GRM8: variants seen among roughly 807,000 people sequenced by gnomAD.
GRM8 encodes the protein metabotropic glutamate receptor 8.
A neutral mutation model predicts 87.2 loss-of-function variants in GRM8; 47 were observed. That is an observed-to-expected ratio of 0.54 (90% CI 0.43 to 0.69). The LOEUF is 0.69. Among genes scored for constraint, GRM8 ranks in the 30% least tolerant of loss-of-function variants. GRM8 has a pLI of 0.00. For missense variants in GRM8, 1,019 were observed against 1,139.2 expected, an observed-to-expected ratio of 0.89 and a Z score of 1.52; for synonymous variants, 396 against 404.5, an observed-to-expected ratio of 0.98 and a Z score of 0.25.
intron 2 of GRM8, among the ~76,000 whole-genome samples, chr7:127,119,626 A>G (rs1177728711): frequency 6.6e-6 from 1 of 152,208 alleles, no homozygotes; most frequent in African/African-American, 2.4e-5. Flanking sequence ...AAACAAACCT[A>G]TGAAAGGCTA....
chr7:126,448,884 G>A (rs1159969759), intron 9 of GRM8, among the ~76,000 whole-genome samples: 2 of 151,722 alleles, frequency 1.3e-5, no homozygotes, highest in Admixed American at 6.6e-5. Flanking sequence ...GGGGCCTTTT[G>A]GAGGGTGGAG....
At chr7:127,186,807 T>G (rs989828166) in intron 2 of GRM8, among the ~76,000 whole-genome samples, 2 of 152,196 alleles carry the variant, frequency 1.3e-5, no homozygotes, top group African/African-American at 2.4e-5. Context: ...GAGCCTACTC[T>G]GAACCCCAGA....
At chr7:126,979,553 T>C (rs1356541445) in intron 3 of GRM8, among the ~76,000 whole-genome samples, 6 of 152,228 alleles carry the variant, frequency 3.9e-5, no homozygotes, top group Admixed American at 1.3e-4. Flanking sequence ...AATGCAATTA[T>C]CGTTCATGTG....
intron 6 of GRM8, among the ~76,000 whole-genome samples, chr7:126,872,614 G>T (rs2130912488): frequency 1.3e-5 from 2 of 152,178 alleles, no homozygotes; most frequent in African/African-American, 2.4e-5. Flanking sequence ...TAACATTTTT[G>T]AAACTGTGCA....
Position 127,203,462 on chromosome 7 carries a change from C to T in GRM8, c.510+39233G>A, listed in dbSNP as rs562800269. Among the ~76,000 whole-genome samples the T allele has an allele frequency of 1.1e-4, 16 of 152,250 alleles. No homozygotes were observed. The South Asian group carries it at 1.9e-3, about 18-fold the overall frequency. Reference sequence around the variant, plus strand: ...GTGGCTCAGGCCTGTAATCCCAGCACCTTGGGAGGCCAAGGCGGGTGAATC... The same window carrying T: ...GTGGCTCAGGCCTGTAATCCCAGCATCTTGGGAGGCCAAGGCGGGTGAATC... On this transcript the variant is annotated intron_variant, in intron 2 of 10. Coordinates refer to ENST00000339582, the MANE Select transcript of GRM8 (RefSeq NM_000845.3).
chr7:126,641,129 T>A (rs1802335964), intron 7 of GRM8, among the ~76,000 whole-genome samples: 1 of 152,176 alleles, frequency 6.6e-6, no homozygotes, highest in Non-Finnish European at 1.5e-5. Context: ...TCATTTTGAA[T>A]CATATTCTTC....
At chr7:126,741,966 T>C (rs562449563) in intron 7 of GRM8, among the ~76,000 whole-genome samples, 28 of 152,180 alleles carry the variant, frequency 1.8e-4, no homozygotes, top group Admixed American at 1.6e-3. Flanking sequence ...TCCCTCTGTA[T>C]AAGCTTGGAA....
intron 7 of GRM8, among the ~76,000 whole-genome samples, chr7:126,699,156 G>C (rs956244768): frequency 7.2e-5 from 11 of 152,102 alleles, no homozygotes; most frequent in African/African-American, 2.4e-4. Context: ...ACCTCCCAGT[G>C]AATTAATGGG....
rs1164479735 is a variant in GRM8, at chr7:127,058,515, A to C, written c.727+47981T>G. ...CCTCCTTTTTTTCCCAGGCCCTAAA[A>C]TAGGATCATATTTAGGCTGGTGAAA... On this transcript the variant is annotated intron_variant, in intron 3 of 10. Transcript: ENST00000339582. Among the ~76,000 whole-genome samples, 11 of 152,136 alleles carry C rather than the reference A, an allele frequency of 7.2e-5. No individual in the cohort carries two copies. The East Asian group carries it at 2.1e-3, about 29-fold the overall frequency.
At chr7:126,662,740 T>TC (rs200490992) in intron 7 of GRM8, among the ~76,000 whole-genome samples, 3 of 152,148 alleles carry the variant, frequency 2.0e-5, no homozygotes, top group African/African-American at 4.8e-5. Flanking sequence ...ATTTTTTTTT[T>TC]CTTTTTAAAG....
chr7:126,905,418 G>A (rs879910405), intron 3 of GRM8, among the ~76,000 whole-genome samples: 1 of 152,166 alleles, frequency 6.6e-6, no homozygotes, highest in African/African-American at 2.4e-5. Context: ...TGGGGTAGGA[G>A]GAGAAGAAAG....
intron 8 of GRM8, among the ~76,000 whole-genome samples, chr7:126,598,795 C>T (rs1018716290): frequency 1.1e-4 from 17 of 152,074 alleles, no homozygotes; most frequent in African/African-American, 2.7e-4. Context: ...TATTGAAAAA[C>T]TCAGTGTAGC....
At chr7:127,212,360 G>A (rs1796259701) in intron 2 of GRM8, among the ~76,000 whole-genome samples, 1 of 151,228 alleles carries the variant, frequency 6.6e-6, no homozygotes, top group East Asian at 1.9e-4. Flanking sequence ...TTGATCTACA[G>A]CCTGATAATA....
chr7:126,448,862 A>T (rs1434952413), intron 9 of GRM8, among the ~76,000 whole-genome samples: 3 of 151,910 alleles, frequency 2.0e-5, no homozygotes, highest in African/African-American at 7.2e-5. Context: ...ATAGAGGGGA[A>T]CAACACACAC....
intron 6 of GRM8, among the ~76,000 whole-genome samples, chr7:126,815,025 C>G (rs1744786382): frequency 6.6e-6 from 1 of 152,112 alleles, no homozygotes; most frequent in Admixed American, 6.6e-5. Context: ...CTATATAATT[C>G]TAAATTTGAA....
chr7:126,554,784 TC>T (rs1250023399), intron 8 of GRM8, among the ~76,000 whole-genome samples: 4 of 152,208 alleles, frequency 2.6e-5, no homozygotes, highest in African/African-American at 9.6e-5. Flanking sequence ...TTCCAGTCTT[TC>T]TTTTTATTGT....
intron 2 of GRM8, among the ~76,000 whole-genome samples, chr7:127,218,538 G>C (rs1343819421): frequency 6.6e-6 from 1 of 152,186 alleles, no homozygotes; most frequent in Non-Finnish European, 1.5e-5. Flanking sequence ...TACTTCATAG[G>C]GTGCTTGGTT....
intron 3 of GRM8, among the ~76,000 whole-genome samples, chr7:127,013,717 T>A (rs1327692525): frequency 1.3e-5 from 2 of 152,148 alleles, no homozygotes; most frequent in African/African-American, 2.4e-5. Flanking sequence ...TTTAATGAGT[T>A]CTTTTTCAGG....
chr7:127,016,461 G>T (rs968727999), intron 3 of GRM8, among the ~76,000 whole-genome samples: 8 of 152,022 alleles, frequency 5.3e-5, no homozygotes, highest in Admixed American at 4.6e-4. Flanking sequence ...CAAGAAAAAT[G>T]ATATAAAATT....
Sources: gnomAD v4.1 joint callset for allele counts (sites outside exome capture counted in the v4.1 genomes callset) on GRCh38, gnomAD v4.1.1 for gene constraint, MANE v1.5 for transcripts, NCBI Gene and HGNC (gene_info 2026-07-23, HGNC 2026-07-21) for gene names.